Variants in MAP7 observed in about 807,000 individuals in gnomAD.
The protein encoded by MAP7 is ensconsin.
Under a neutral mutation model 94.8 loss-of-function variants are expected in MAP7, and 52 were observed. The ratio of observed to expected loss-of-function variants is 0.55; its 90% CI spans 0.44 to 0.69. The LOEUF (loss-of-function observed/expected upper bound fraction) is 0.69. MAP7 is among the 30% of genes least tolerant of loss of function. MAP7 has a pLI of 0.00. For synonymous variants in MAP7, 350 were observed against 357.0 expected, an observed-to-expected ratio of 0.98 and a Z score of 0.22; for missense variants, 940 against 964.6, an observed-to-expected ratio of 0.97 and a Z score of 0.34.
At position 136,451,970 on chromosome 6, in the gene MAP7, G is replaced by A. The variant is rs147147434; in HGVS notation, c.68-30171C>T. ...CCAGCACTTTGGGAGGCTGAGGTGG[G>A]CAGATCATGAGATCAGGGGTTCAAG... is the stretch of plus-strand genomic sequence containing the variant. On this transcript the variant is annotated intron_variant, in intron 1 of 17. Transcript: ENST00000354570. Among the ~76,000 whole-genome samples the A allele has an allele frequency of 8.7e-4, 133 of 152,330 alleles. 2 individuals carry two copies. The East Asian group carries it at 0.013, about 15-fold the overall frequency.
At chr6:136,351,433 C>G (rs942305564) in intron 16 of MAP7, among the ~76,000 whole-genome samples, 1 of 152,150 alleles carries the variant, frequency 6.6e-6, no homozygotes, top group Non-Finnish European at 1.5e-5. Context: ...TATAGTACAA[C>G]AGTTTTTGGA....
At chr6:136,504,170 G>GAT (rs1022794948) in intron 1 of MAP7, among the ~76,000 whole-genome samples, 5 of 151,996 alleles carry the variant, frequency 3.3e-5, no homozygotes, top group African/African-American at 7.3e-5. Context: ...ATTATTTATA[G>GAT]ATATATATAT....
chr6:136,511,275 G>T (rs1423061933), intron 1 of MAP7, among the ~76,000 whole-genome samples: 2 of 152,020 alleles, frequency 1.3e-5, no homozygotes, highest in African/African-American at 4.8e-5. Flanking sequence ...ATACCATTAA[G>T]AATTAGGATA....
chr6:136,541,431 A>G (rs1829309094), intron 1 of MAP7, among the ~76,000 whole-genome samples: 2 of 152,214 alleles, frequency 1.3e-5, no homozygotes, highest in African/African-American at 4.8e-5. Flanking sequence ...AACTCCAAAA[A>G]GGAAGCTTAC....
intron 1 of MAP7, among the ~76,000 whole-genome samples, chr6:136,468,612 T>C (rs1807925372): frequency 6.6e-6 from 1 of 152,226 alleles, no homozygotes; most frequent in Non-Finnish European, 1.5e-5. Context: ...GGCAAAACCA[T>C]CTAACACAAA....
At chr6:136,399,420 C>T (rs764411646) in intron 3 of MAP7, among the ~76,000 whole-genome samples, 16 of 152,130 alleles carry the variant, frequency 1.1e-4, no homozygotes, top group Non-Finnish European at 1.9e-4. Flanking sequence ...TAATGGCTCA[C>T]TGCATCCTCG....
chr6:136,404,340 A>T (rs1419168475), intron 3 of MAP7, among the ~76,000 whole-genome samples: 1 of 152,208 alleles, frequency 6.6e-6, no homozygotes, highest in East Asian at 1.9e-4. Context: ...AAAAAAAAAG[A>T]AGCACAGCAA....
intron 1 of MAP7, among the ~76,000 whole-genome samples, chr6:136,499,140 G>T (rs956087634): frequency 6.6e-6 from 1 of 152,050 alleles, no homozygotes; most frequent in African/African-American, 2.4e-5. Flanking sequence ...GGCTGGTCTT[G>T]AACTCCTGAC....
At chr6:136,444,499 T>A (rs1334669143) in intron 1 of MAP7, among the ~76,000 whole-genome samples, 2 of 152,240 alleles carry the variant, frequency 1.3e-5, no homozygotes, top group Non-Finnish European at 2.9e-5. Flanking sequence ...CACAAGGCAC[T>A]GATGCTTCTT....
intron 1 of MAP7, among the ~76,000 whole-genome samples, chr6:136,518,398 A>G (rs548532437): frequency 4.9e-4 from 74 of 152,302 alleles, no homozygotes; most frequent in African/African-American, 1.6e-3. Context: ...CAGGACCTGC[A>G]TTTTACAGTT....
chr6:136,526,263 A>G (rs942904926), intron 1 of MAP7: 1 of 1,111,368 alleles, frequency 9.0e-7, no homozygotes, highest in Non-Finnish European at 1.1e-6. Flanking sequence ...TCATGCATGC[A>G]CGTACACGCG....
chr6:136,548,841 C>T (rs1377159263), intron 1 of MAP7, among the ~76,000 whole-genome samples: 3 of 152,206 alleles, frequency 2.0e-5, no homozygotes, highest in East Asian at 3.9e-4. Context: ...AAAATCATGC[C>T]GTATATTTAC....
intron 2 of MAP7, among the ~76,000 whole-genome samples, chr6:136,414,297 ACTC>A (rs1446369753): frequency 6.3e-4 from 79 of 126,088 alleles, no homozygotes; most frequent in Non-Finnish European, 1.1e-3. Context: ...GGTTAAATGG[ACTC>A]CTCAATAGCC....
At chr6:136,472,126 C>T (rs1332382554) in intron 1 of MAP7, among the ~76,000 whole-genome samples, 3 of 152,152 alleles carry the variant, frequency 2.0e-5, no homozygotes, top group African/African-American at 7.2e-5. Flanking sequence ...AATACTATTT[C>T]TCAACCATTT....
intron 8 of MAP7, among the ~76,000 whole-genome samples, chr6:136,367,537 G>A (rs1168474082): frequency 2.6e-5 from 4 of 151,972 alleles, no homozygotes; most frequent in Admixed American, 2.0e-4. Context: ...ATTTTCCTTA[G>A]CAGCATCCTA....
intron 16 of MAP7, among the ~76,000 whole-genome samples, chr6:136,347,127 T>C (rs1004535906): frequency 1.3e-5 from 2 of 149,486 alleles, no homozygotes; most frequent in Non-Finnish European, 2.9e-5. Context: ...CTTATTATTA[T>C]GCTTTACAAT....
chr6:136,389,402 C>G lies in MAP7; in HGVS notation c.360G>C (p.Arg120Ser). The G allele has an allele frequency of 6.3e-7, 1 of 1,587,142 alleles. No homozygotes were observed. Among genetic ancestry groups the G allele is most frequent in the South Asian group, 1.2e-5 (1 of 86,582 alleles). Residue 120 changes from arginine (R) to serine (S), a missense_variant, in exon 4 of 18, where the codon AGG becomes AGC. Arg to Ser is a moderately radical substitution (Grantham distance 110). Coordinates refer to ENST00000354570, the MANE Select transcript of MAP7 (RefSeq NM_003980.6). ...LEEQRQKEERRRAAVEEKRRQ... is the reference protein window; with the variant it reads ...LEEQRQKEERSRAAVEEKRRQ... ...TCCGCTTCTCCTCCACAGCAGCCCTCCTCCGCTCCTCCTTCTGCCTCTGCT... is the reference window on the plus strand; with the variant it reads ...TCCGCTTCTCCTCCACAGCAGCCCTGCTCCGCTCCTCCTTCTGCCTCTGCT...
Position 136,456,771 on chromosome 6 carries a change from GAAGAA to G in MAP7, c.68-34977_68-34973del, listed in dbSNP as rs1325867604. Among the ~76,000 whole-genome samples the G allele has an allele frequency of 3.3e-3, 208 of 62,758 alleles. 3 individuals carry two copies. The highest frequency in any genetic ancestry group is 6.8e-3 in the Middle Eastern group (1 of 148). The allele number at this position is 62,758 out of a possible 152,430, so 41.2% of individuals were successfully genotyped here. A position where few individuals can be genotyped will look rare whatever the true frequency, so the allele number is the denominator to read the frequency against. On this transcript the variant is annotated intron_variant, in intron 1 of 17. Transcript: ENST00000354570. Reference sequence around the variant, plus strand: ...GGAGGAGGAGGAGGAGGAGGAGGAAGAAGAAGAAGAAGAAGAAGAAGAAGAAGAAG... The same window carrying G: ...GGAGGAGGAGGAGGAGGAGGAGGAAGGAAGAAGAAGAAGAAGAAGAAGAAG...
intron 1 of MAP7, among the ~76,000 whole-genome samples, chr6:136,434,676 G>A (rs925546167): frequency 6.0e-5 from 9 of 151,046 alleles, no homozygotes; most frequent in Non-Finnish European, 7.4e-5. Context: ...TCAAATTTTG[G>A]AACCTATTGA....
Sources: gnomAD v4.1 joint callset for allele counts (sites outside exome capture counted in the v4.1 genomes callset) on GRCh38, gnomAD v4.1.1 for gene constraint, MANE v1.5 for transcripts, NCBI Gene and HGNC (gene_info 2026-07-23, HGNC 2026-07-21) for gene names.